The following VWA8 variants were observed in gnomAD, a reference collection of about 807,000 sequenced individuals.
VWA8 encodes von Willebrand factor A domain containing 8.
VWA8 carries 221 observed loss-of-function variants against 241.5 expected under a neutral mutation model. The observed-to-expected ratio is 0.91, with a 90% confidence interval of 0.82 to 1.02. The LOEUF (loss-of-function observed/expected upper bound fraction) is 1.02, where lower values mean the gene tolerates loss of function less well. VWA8 is among the 50% of genes least tolerant of loss of function. The pLI, the probability that VWA8 is intolerant of heterozygous loss-of-function variation, is 0.00. For missense variants in VWA8, 2,322 were observed against 2,328.7 expected, an observed-to-expected ratio of 1.00 and a Z score of 0.06; for synonymous variants, 852 against 827.1, an observed-to-expected ratio of 1.03 and a Z score of -0.52.
chr13:41,766,268 G>A (rs1347603188), intron 20 of VWA8, among the ~76,000 whole-genome samples: 2 of 151,806 alleles, frequency 1.3e-5, no homozygotes, highest in African/African-American at 4.8e-5. Flanking sequence ...TTTTCTTCCT[G>A]GACAAGAAAA....
At chr13:41,829,057 G>C (rs2137997308) in intron 14 of VWA8, among the ~76,000 whole-genome samples, 1 of 152,224 alleles carries the variant, frequency 6.6e-6, no homozygotes, top group South Asian at 2.1e-4. Context: ...GTTTTGTTGA[G>C]AGAATACAAA....
At chr13:41,861,683 CA>C (rs1873013856) in intron 12 of VWA8, among the ~76,000 whole-genome samples, 1 of 152,116 alleles carries the variant, frequency 6.6e-6, no homozygotes, top group African/African-American at 2.4e-5. Flanking sequence ...ATCAAGAACA[CA>C]ATCCCATTTA....
At chr13:41,906,190 A>G (rs1295312658) in intron 4 of VWA8, among the ~76,000 whole-genome samples, 4 of 152,086 alleles carry the variant, frequency 2.6e-5, no homozygotes, top group Non-Finnish European at 2.9e-5. Flanking sequence ...TGAATATCCT[A>G]TTCCTCAAAA....
At chr13:41,675,407 C>T in intron 35 of VWA8, 111 bp from the exon 36 acceptor site, 2 of 698,888 alleles carry the variant, frequency 2.9e-6, no homozygotes, top group Non-Finnish European at 4.8e-6. Context: ...CTGGGATCTA[C>T]TTGACAAGGT....
chr13:41,717,250 T>A (rs887724777), intron 26 of VWA8, among the ~76,000 whole-genome samples: 3 of 151,862 alleles, frequency 2.0e-5, no homozygotes, highest in East Asian at 3.9e-4. Flanking sequence ...CAAATATTTT[T>A]AAAAATAATT....
chr13:41,899,774 T>C (rs1472386420), intron 4 of VWA8, among the ~76,000 whole-genome samples: 1 of 152,238 alleles, frequency 6.6e-6, no homozygotes, highest in East Asian at 1.9e-4. Context: ...AACAACGTAC[T>C]GTGCCATACC....
intron 14 of VWA8, among the ~76,000 whole-genome samples, chr13:41,825,151 T>C (rs1364515422): frequency 6.6e-6 from 1 of 152,246 alleles, no homozygotes; most frequent in African/African-American, 2.4e-5. Flanking sequence ...ATATCTGTCT[T>C]CATGTGTGGT....
intron 2 of VWA8, among the ~76,000 whole-genome samples, chr13:41,916,693 T>C (rs1240553886): frequency 6.6e-6 from 1 of 152,212 alleles, no homozygotes; most frequent in African/African-American, 2.4e-5. Context: ...CTATGTGGTA[T>C]CTGTGGTATA....
At chr13:41,891,139 G>A (rs1593848934) in intron 5 of VWA8, among the ~76,000 whole-genome samples, 1 of 145,668 alleles carries the variant, frequency 6.9e-6, no homozygotes, top group East Asian at 2.0e-4. Context: ...GGGAAAAGAG[G>A]AAGAAAGAGA....
At chr13:41,750,920 C>G (rs1012567539) in intron 21 of VWA8, among the ~76,000 whole-genome samples, 3 of 150,780 alleles carry the variant, frequency 2.0e-5, no homozygotes, top group African/African-American at 7.3e-5. Flanking sequence ...CAGTACAGTA[C>G]AGTGGTTAGA....
intron 37 of VWA8, among the ~76,000 whole-genome samples, chr13:41,617,040 A>T (rs1443373766): frequency 3.3e-5 from 5 of 152,220 alleles, no homozygotes; most frequent in African/African-American, 1.2e-4. Context: ...AAACAAAACA[A>T]AAAAACTATA....
intron 12 of VWA8, among the ~76,000 whole-genome samples, chr13:41,840,280 G>C (rs937820714): frequency 6.6e-6 from 1 of 152,084 alleles, no homozygotes; most frequent in African/African-American, 2.4e-5. Context: ...CATGGACACA[G>C]GGAGGAGAAC....
chr13:41,673,707 A>C (rs1268766578), intron 36 of VWA8, among the ~76,000 whole-genome samples: 2 of 152,224 alleles, frequency 1.3e-5, no homozygotes, highest in East Asian at 1.9e-4. Context: ...TTAAAACAAT[A>C]TTTTAGTGTG....
At chr13:41,749,434 G>C (rs1016346261) in intron 21 of VWA8, among the ~76,000 whole-genome samples, 1 of 152,102 alleles carries the variant, frequency 6.6e-6, no homozygotes, top group African/African-American at 2.4e-5. Context: ...AACCATTGTG[G>C]AAGTCGGTGT....
intron 43 of VWA8, among the ~76,000 whole-genome samples, chr13:41,571,334 C>T (rs1485318691): frequency 7.2e-6 from 1 of 138,916 alleles, no homozygotes; most frequent in African/African-American, 2.9e-5. Context: ...TCCCGTCTCC[C>T]TCTCCCTCTC....
intron 20 of VWA8, among the ~76,000 whole-genome samples, chr13:41,762,715 A>G (rs1468739404): frequency 2.0e-5 from 3 of 152,138 alleles, no homozygotes; most frequent in African/African-American, 4.8e-5. Context: ...GAAGAAAAGC[A>G]TTCTACAAGC....
intron 37 of VWA8, among the ~76,000 whole-genome samples, chr13:41,644,291 G>A (rs1401848864): frequency 2.0e-5 from 3 of 151,698 alleles, no homozygotes; most frequent in African/African-American, 7.3e-5. Flanking sequence ...AAAAAAACCA[G>A]AGTGTAGAGA....
intron 21 of VWA8, among the ~76,000 whole-genome samples, chr13:41,732,438 T>C (rs891376233): frequency 6.6e-6 from 1 of 151,616 alleles, no homozygotes. Context: ...TTGTAACCAC[T>C]TCACACCTCA....
chr13:41,926,572 C>T, intron 2 of VWA8: 1 of 547,114 alleles, frequency 1.8e-6, no homozygotes, highest in South Asian at 1.4e-5. Context: ...ATTTGAGGCA[C>T]AATCCTGAGT....
Sources: allele counts gnomAD v4.1 joint callset (sites outside exome capture counted in the v4.1 genomes callset), GRCh38; gene constraint gnomAD v4.1.1; transcripts MANE v1.5; gene names NCBI Gene and HGNC (gene_info 2026-07-23, HGNC 2026-07-21).